OPHN1: variants seen among roughly 807,000 people sequenced by gnomAD.
The protein encoded by OPHN1 is oligophrenin 1.
OPHN1 carries 11 observed loss-of-function variants against 60.7 expected under a neutral mutation model. That is an observed-to-expected ratio of 0.18 (90% CI 0.11 to 0.30). OPHN1 has a LOEUF of 0.30. Ranked by LOEUF, OPHN1 falls within the 10% of genes least tolerant of loss-of-function variation. The pLI is 1.00. For synonymous variants in OPHN1, 226 were observed against 222.6 expected (o/e 1.02, Z -0.14); for missense variants, 449 against 611.0 (o/e 0.73, Z 2.80).
chrX:68,163,856 G>T (rs2077346514), intron 15 of OPHN1, among the ~76,000 whole-genome samples: 2 of 110,883 alleles, frequency 1.8e-5, no homozygotes, highest in African/African-American at 6.5e-5. Flanking sequence ...TATAGGTATT[G>T]AGAAGAAATG....
rs141575315 is a variant in OPHN1 at position 68,090,615 on chromosome X, C to T, written c.1686+6255G>A. On this transcript the variant is annotated intron_variant, in intron 19 of 24. Coordinates refer to ENST00000355520, the MANE Select transcript of OPHN1 (RefSeq NM_002547.3). ...GGGTCTCTTGTTTGCCTTCTCAAATCCATTACATTGCTACGACATGGGCTT... is the reference window on the plus strand; with the variant it reads ...GGGTCTCTTGTTTGCCTTCTCAAATTCATTACATTGCTACGACATGGGCTT... Among the ~76,000 whole-genome samples the T allele has an allele frequency of 8.3e-4, 92 of 110,810 alleles. No homozygotes were observed. In the East Asian group the frequency reaches 0.024, roughly 29 times the overall value.
At chrX:68,322,412 T>C (rs1425693437) in intron 2 of OPHN1, among the ~76,000 whole-genome samples, 4 of 111,617 alleles carry the variant, frequency 3.6e-5, no homozygotes, top group Non-Finnish European at 5.6e-5. Flanking sequence ...AGCCAAAAAA[T>C]GGAAATGACT....
At chrX:68,401,359 G>A (rs1019019998) in intron 2 of OPHN1, among the ~76,000 whole-genome samples, 9 of 111,713 alleles carry the variant, frequency 8.1e-5, no homozygotes, top group Admixed American at 1.9e-4. Context: ...CATTTGGCCC[G>A]CTCTAGAAAG....
At chrX:68,309,932 C>A (rs7062636) in intron 2 of OPHN1, among the ~76,000 whole-genome samples, 9,153 of 111,541 alleles carry the variant, frequency 0.082, 933 homozygotes, top group African/African-American at 0.29. Context: ...TCAGCCACAG[C>A]TTCTAGTGCT....
chrX:68,422,709 G>GAGAA (rs761115828), intron 2 of OPHN1, among the ~76,000 whole-genome samples: 875 of 81,398 alleles, frequency 0.011, 13 homozygotes, highest in Non-Finnish European at 0.016. Context: ...AAGAGAGAGA[G>GAGAA]AGAAAGAAAG....
At chrX:68,318,471 C>A (rs1239495823) in intron 2 of OPHN1, among the ~76,000 whole-genome samples, 2 of 111,865 alleles carry the variant, frequency 1.8e-5, no homozygotes, top group Admixed American at 9.5e-5. Flanking sequence ...TTTAAAAAAT[C>A]AAAGTGCTGG....
At chrX:68,366,070 A>T (rs1178108901) in intron 2 of OPHN1, among the ~76,000 whole-genome samples, 1 of 109,753 alleles carries the variant, frequency 9.1e-6, no homozygotes, top group Non-Finnish European at 1.9e-5. Context: ...GACATAACAG[A>T]ATAGTATTTA....
In OPHN1 at chrX:68,311,937, A is replaced by G. The variant is rs1031418459; in HGVS notation, c.155-12841T>C. On this transcript the variant is annotated intron_variant, in intron 2 of 24. Transcript: ENST00000355520. ...ACACATTTTTTGAAATGCACATGAA[A>G]ATTTCTCCAGGACAGACAACATGTT... Among the ~76,000 whole-genome samples, 8 of 111,277 alleles carry G rather than the reference A, an allele frequency of 7.2e-5. No individual in the cohort carries two copies. The Admixed American group carries it at 7.7e-4, about 11-fold the overall frequency.
At chrX:68,155,116 T>C (rs2077303709) in intron 15 of OPHN1, among the ~76,000 whole-genome samples, 2 of 111,000 alleles carry the variant, frequency 1.8e-5, no homozygotes, top group Non-Finnish European at 3.8e-5. Flanking sequence ...GCAAATATAA[T>C]GACCAAGTTA....
intron 2 of OPHN1, among the ~76,000 whole-genome samples, chrX:68,408,826 T>C (rs2078756337): frequency 1.8e-5 from 2 of 112,145 alleles, no homozygotes; most frequent in South Asian, 7.4e-4. Context: ...CCAGGCGTGG[T>C]GGTGTGTGCC....
chrX:68,386,948 G>C (rs894369625), intron 2 of OPHN1, among the ~76,000 whole-genome samples: 2 of 111,387 alleles, frequency 1.8e-5, no homozygotes, highest in African/African-American at 6.5e-5. Flanking sequence ...TCTAACATTT[G>C]GAAAGGGTGG....
intron 2 of OPHN1, among the ~76,000 whole-genome samples, chrX:68,408,645 G>A (rs1246283321): frequency 1.8e-5 from 2 of 112,747 alleles, no homozygotes; most frequent in South Asian, 3.6e-4. Flanking sequence ...TCTAACTGAT[G>A]TGCATGTTAA....
At chrX:68,056,581 C>A (rs509275) in intron 21 of OPHN1, among the ~76,000 whole-genome samples, 51,897 of 110,071 alleles carry the variant, frequency 0.47, 11,043 homozygotes, top group African/African-American at 0.83. Flanking sequence ...GGGTATACAG[C>A]ATTGCAGCAG....
intron 6 of OPHN1, among the ~76,000 whole-genome samples, chrX:68,229,429 A>G (rs2077715310): frequency 9.0e-6 from 1 of 111,714 alleles, no homozygotes; most frequent in African/African-American, 3.3e-5. Flanking sequence ...GTTCATATGG[A>G]ACCAAAAAAG....
intron 6 of OPHN1, among the ~76,000 whole-genome samples, chrX:68,226,772 AG>A (rs1314000889): frequency 9.0e-6 from 1 of 111,550 alleles, no homozygotes; most frequent in African/African-American, 3.3e-5. Flanking sequence ...GCCACTGCAA[AG>A]ACATGCCAAA....
chrX:68,236,677 C>T (rs1216409626), intron 5 of OPHN1, among the ~76,000 whole-genome samples: 1 of 111,925 alleles, frequency 8.9e-6, no homozygotes, highest in African/African-American at 3.3e-5. Flanking sequence ...GCTTCTTAAA[C>T]TTACATAATG....
At chrX:68,088,394 A>G (rs1416052180) in intron 19 of OPHN1, among the ~76,000 whole-genome samples, 3 of 111,883 alleles carry the variant, frequency 2.7e-5, no homozygotes, top group Non-Finnish European at 3.8e-5. Flanking sequence ...TCTACTCAGC[A>G]TGGATTGTGA....
chrX:68,070,749 A>G (rs1341570901), intron 20 of OPHN1: 4 of 1,125,880 alleles, frequency 3.6e-6, no homozygotes, highest in Non-Finnish European at 4.9e-6. Flanking sequence ...CCATTCAAAT[A>G]CCCCCCACAG....
At chrX:68,186,110 T>C (rs958023437) in intron 15 of OPHN1, among the ~76,000 whole-genome samples, 2 of 111,083 alleles carry the variant, frequency 1.8e-5, no homozygotes, top group Admixed American at 9.6e-5. Context: ...AGAGTTTATT[T>C]TGGGAGAAAA....
Sources: gnomAD v4.1 joint callset for allele counts (sites outside exome capture counted in the v4.1 genomes callset) on GRCh38, gnomAD v4.1.1 for gene constraint, MANE v1.5 for transcripts, NCBI Gene and HGNC (gene_info 2026-07-23, HGNC 2026-07-21) for gene names.